Variants in MAP2K6 observed in about 807,000 individuals in gnomAD.
MAP2K6 encodes the protein mitogen-activated protein kinase kinase 6.
In MAP2K6, 16 loss-of-function variants were observed where a neutral mutation model predicts 53.7. The ratio of observed to expected loss-of-function variants is 0.30; its 90% CI spans 0.20 to 0.45. The LOEUF (loss-of-function observed/expected upper bound fraction) is 0.45, where lower values mean the gene tolerates loss of function less well. Ranked by LOEUF, MAP2K6 falls within the 20% of genes least tolerant of loss-of-function variation. The pLI is 1.00. For missense variants in MAP2K6, 204 were observed against 411.9 expected, an observed-to-expected ratio of 0.50 and a Z score of 4.37; for synonymous variants, 132 against 143.1, an observed-to-expected ratio of 0.92 and a Z score of 0.55.
chr17:69,523,610 C>A lies in MAP2K6; in HGVS notation c.632C>A (p.Thr211Lys). Residue 211 changes from threonine to lysine, a missense_variant, in exon 8 of 12, where the codon ACA (threonine) becomes AAA (lysine). By Grantham distance (78) the Thr-to-Lys change is moderately conservative (BLOSUM62 -1). Around this residue, in one of 3 missense-constraint regions of MAP2K6, gnomAD observed 28 missense variants for 102.5 expected, o/e 0.27. Transcript: ENST00000590474. ...SGYLVDSVAK[T>K]IDAGCKPYMA... is the part of the protein sequence containing the mutation. ...TACTTGGTGGACTCTGTTGCTAAAACAATTGATGCAGGTTGCAAACCATAC... is the reference window on the plus strand; with the variant it reads ...TACTTGGTGGACTCTGTTGCTAAAAAAATTGATGCAGGTTGCAAACCATAC... 1 of 1,614,050 alleles carries A rather than the reference C, an allele frequency of 6.2e-7. No individual in the cohort carries two copies. The highest frequency in any genetic ancestry group is 8.5e-7 in the Non-Finnish European group (1 of 1,179,958).
At chr17:69,466,382 T>A (rs1171715800) in intron 1 of MAP2K6, among the ~76,000 whole-genome samples, 1 of 152,108 alleles carries the variant, frequency 6.6e-6, no homozygotes, top group Non-Finnish European at 1.5e-5. Context: ...TCCCTTCCTC[T>A]ATGGAAAAGC....
Position 69,428,959 on chromosome 17 carries a change from C to T in MAP2K6, c.16+13959C>T, listed in dbSNP as rs545503319. On this transcript the variant is annotated intron_variant, in intron 1 of 11. Coordinates refer to ENST00000590474, the MANE Select transcript of MAP2K6 (RefSeq NM_002758.4). The stretch of plus-strand genomic sequence containing the variant: ...ACACACACACACACACACACACACA[C>T]GTTGTTGTATTGATTCCCAAAACTG... Among the ~76,000 whole-genome samples the T allele has an allele frequency of 8.7e-5, 13 of 149,816 alleles. No individual in the cohort carries two copies. In the South Asian group the frequency reaches 2.7e-3, roughly 32 times the overall value.
At chr17:69,484,036 G>T (rs933020988) in intron 1 of MAP2K6, among the ~76,000 whole-genome samples, 1 of 151,970 alleles carries the variant, frequency 6.6e-6, no homozygotes, top group Non-Finnish European at 1.5e-5. Context: ...ATTTGTCAAC[G>T]ATTTCTTAGA....
At chr17:69,471,153 CTGT>C (rs1486674585) in intron 1 of MAP2K6, among the ~76,000 whole-genome samples, 18 of 152,322 alleles carry the variant, frequency 1.2e-4, no homozygotes, top group African/African-American at 4.1e-4. Flanking sequence ...CGGAAAAGAA[CTGT>C]TGTTATACTC....
rs546026785 is a variant in MAP2K6, at chr17:69,428,009, G to T, written c.16+13009G>T. ...AGTGTTGAGCAAGACATGGCAGGTA[G>T]AGGACTAGCTGTCTCTGGATTGCAT... On this transcript the variant is annotated intron_variant, in intron 1 of 11. Coordinates refer to ENST00000590474, the MANE Select transcript of MAP2K6 (RefSeq NM_002758.4). Among the ~76,000 whole-genome samples the T allele has an allele frequency of 3.5e-4, 53 of 152,300 alleles. 1 individual carries two copies. The South Asian group carries it at 0.01, about 29-fold the overall frequency.
chr17:69,502,182 T>C (rs1383775456), intron 1 of MAP2K6: 7 of 985,392 alleles, frequency 7.1e-6, no homozygotes, highest in African/African-American at 1.7e-5. Flanking sequence ...TCTCCCTTCC[T>C]GAAGCTGCAA....
At chr17:69,423,475 A>G (rs973952626) in intron 1 of MAP2K6, among the ~76,000 whole-genome samples, 2 of 152,124 alleles carry the variant, frequency 1.3e-5, no homozygotes, top group Admixed American at 1.3e-4. Context: ...ATGTTTGTTG[A>G]CCCTTTCCTT....
chr17:69,520,987 C>A, intron 6 of MAP2K6, 62 bp from the exon 7 acceptor site: 1 of 1,348,518 alleles, frequency 7.4e-7, no homozygotes, highest in Non-Finnish European at 1.0e-6. Flanking sequence ...CCTTGATATA[C>A]TTAACATTCA....
At chr17:69,446,477 C>T (rs971315549) in intron 1 of MAP2K6, among the ~76,000 whole-genome samples, 21 of 152,244 alleles carry the variant, frequency 1.4e-4, no homozygotes, top group African/African-American at 4.3e-4. Flanking sequence ...TCAGTTTCTC[C>T]ACCAATGTTG....
intron 1 of MAP2K6, among the ~76,000 whole-genome samples, chr17:69,481,775 C>A (rs980988091): frequency 3.9e-5 from 6 of 152,138 alleles, no homozygotes; most frequent in Non-Finnish European, 7.4e-5. Context: ...AATACCATAT[C>A]TTAACTTAGT....
At chr17:69,443,767 A>G (rs1598264008) in intron 1 of MAP2K6, among the ~76,000 whole-genome samples, 1 of 152,298 alleles carries the variant, frequency 6.6e-6, no homozygotes, top group South Asian at 2.1e-4. Flanking sequence ...CAGAGAAAGT[A>G]GTGATAAGTT....
At chr17:69,538,532 C>T (rs1352712607) in intron 11 of MAP2K6, among the ~76,000 whole-genome samples, 1 of 152,202 alleles carries the variant, frequency 6.6e-6, no homozygotes, top group Admixed American at 6.5e-5. Flanking sequence ...TCCAAACTCC[C>T]TGACTTTAGC....
At chr17:69,419,319 T>C (rs1306312678) in intron 1 of MAP2K6, among the ~76,000 whole-genome samples, 1 of 152,186 alleles carries the variant, frequency 6.6e-6, no homozygotes, top group Non-Finnish European at 1.5e-5. Context: ...TCAAAGGGCA[T>C]GTATAGATAT....
chr17:69,488,704 T>C (rs1003489575), intron 1 of MAP2K6, among the ~76,000 whole-genome samples: 3 of 152,108 alleles, frequency 2.0e-5, no homozygotes, highest in South Asian at 2.1e-4. Context: ...TAAACACTTA[T>C]GTCCACTTCG....
intron 11 of MAP2K6, among the ~76,000 whole-genome samples, chr17:69,537,123 A>G (rs1347201580): frequency 1.3e-5 from 2 of 152,194 alleles, no homozygotes; most frequent in East Asian, 3.8e-4. Context: ...TCTGGTAACT[A>G]CAATTCTAAG....
chr17:69,446,007 A>G (rs1245828466), intron 1 of MAP2K6, among the ~76,000 whole-genome samples: 1 of 152,252 alleles, frequency 6.6e-6, no homozygotes, highest in Non-Finnish European at 1.5e-5. Flanking sequence ...TGCATAAGAA[A>G]TCAAATGGGT....
intron 2 of MAP2K6, among the ~76,000 whole-genome samples, chr17:69,516,075 G>A (rs1004175467): frequency 6.6e-6 from 1 of 152,014 alleles, no homozygotes; most frequent in Non-Finnish European, 1.5e-5. Flanking sequence ...TGAACTGGGT[G>A]GGGGGATGAT....
intron 1 of MAP2K6, among the ~76,000 whole-genome samples, chr17:69,430,662 C>A (rs1323005527): frequency 6.6e-6 from 1 of 152,140 alleles, no homozygotes; most frequent in Non-Finnish European, 1.5e-5. Flanking sequence ...TGCTGAGTAC[C>A]TGTACACAGC....
intron 1 of MAP2K6, chr17:69,434,947 A>C (rs938386226): frequency 6.6e-6 from 1 of 152,226 alleles, no homozygotes; most frequent in Non-Finnish European, 1.5e-5. Context: ...AAATGTGAAT[A>C]CAGAGATAGG....
Sources: gnomAD v4.1 joint callset for allele counts (sites outside exome capture counted in the v4.1 genomes callset) on GRCh38, gnomAD v4.1.1 for gene constraint, gnomAD v4.1.1 regional missense constraint, MANE v1.5 for transcripts, NCBI Gene and HGNC (gene_info 2026-07-23, HGNC 2026-07-21) for gene names.